The following CACNA1E variants were observed in gnomAD, a reference collection of about 807,000 sequenced individuals.
The protein encoded by CACNA1E is calcium voltage-gated channel subunit alpha1 E.
In CACNA1E, 40 loss-of-function variants were observed where a neutral mutation model predicts 259.2. The ratio of observed to expected loss-of-function variants is 0.15; its 90% CI spans 0.12 to 0.20. CACNA1E has a LOEUF of 0.20. Ranked by LOEUF, CACNA1E falls within the 10% of genes least tolerant of loss-of-function variation. The probability of loss-of-function intolerance (pLI) is 1.00; values close to 1 mark genes in which losing one functional copy is unlikely to be tolerated. For missense variants in CACNA1E, 1,874 were observed against 3,040.1 expected (o/e 0.62, Z 9.02); for synonymous variants, 1,104 against 1,138.5 (o/e 0.97, Z 0.61).
chr1:181,343,807 G>GTTTCAGAA (rs1652368448), intron 1 of CACNA1E, among the ~76,000 whole-genome samples: 2 of 152,090 alleles, frequency 1.3e-5, no homozygotes, highest in South Asian at 2.1e-4. Context: ...GTGATGCCCT[G>GTTTCAGAA]TCTCCTCTCA....
intron 7 of CACNA1E, among the ~76,000 whole-genome samples, chr1:181,689,433 A>G (rs1319178719): frequency 6.6e-6 from 1 of 152,214 alleles, no homozygotes; most frequent in Non-Finnish European, 1.5e-5. Flanking sequence ...ATAGTGCTGC[A>G]GTAAACATGT....
intron 38 of CACNA1E, among the ~76,000 whole-genome samples, chr1:181,779,829 C>CACACACAG (rs1660271089): frequency 6.6e-6 from 1 of 151,796 alleles, no homozygotes; most frequent in Admixed American, 6.6e-5. Context: ...TACACACACA[C>CACACACAG]ACACACACAC....
At chr1:181,472,971 A>G (rs1007130524) in intron 2 of CACNA1E, among the ~76,000 whole-genome samples, 1 of 152,176 alleles carries the variant, frequency 6.6e-6, no homozygotes, top group Non-Finnish European at 1.5e-5. Flanking sequence ...GTTGAGATGC[A>G]GGAGGATTTA....
At chr1:181,794,592 C>T (rs1001355851) in intron 45 of CACNA1E, among the ~76,000 whole-genome samples, 1 of 152,222 alleles carries the variant, frequency 6.6e-6, no homozygotes. Context: ...ACAGTTCCTG[C>T]CTGCATTCCG....
At chr1:181,519,350 C>G (rs1666828276) in intron 3 of CACNA1E, among the ~76,000 whole-genome samples, 1 of 152,058 alleles carries the variant, frequency 6.6e-6, no homozygotes, top group Admixed American at 6.5e-5. Flanking sequence ...AATGCAGCAG[C>G]ACTATTTAAT....
At chr1:181,374,294 C>T (rs912442941) in intron 1 of CACNA1E, among the ~76,000 whole-genome samples, 7 of 151,896 alleles carry the variant, frequency 4.6e-5, no homozygotes, top group Non-Finnish European at 1.5e-5. Flanking sequence ...TGTTTAATTT[C>T]CATGTAATTG....
chr1:181,696,080 G>C (rs1458637440), intron 7 of CACNA1E, among the ~76,000 whole-genome samples: 3 of 152,066 alleles, frequency 2.0e-5, no homozygotes, highest in Non-Finnish European at 4.4e-5. Context: ...AATATAAAAA[G>C]CATAAACAAT....
At chr1:181,678,055 G>A (rs1558256361) in intron 7 of CACNA1E, among the ~76,000 whole-genome samples, 2 of 152,168 alleles carry the variant, frequency 1.3e-5, no homozygotes. Context: ...ATTTGGGGAA[G>A]ATTAGCTTGC....
intron 6 of CACNA1E, among the ~76,000 whole-genome samples, chr1:181,605,103 G>T (rs1373120881): frequency 6.6e-6 from 1 of 152,208 alleles, no homozygotes; most frequent in Non-Finnish European, 1.5e-5. Context: ...GGAGAGAAAA[G>T]AAAGTGCTTT....
At chr1:181,733,165 G>T (rs751232927) in intron 20 of CACNA1E, 131 bp downstream of exon 20, 6 of 1,338,458 alleles carry the variant, frequency 4.5e-6, no homozygotes, top group Non-Finnish European at 5.9e-6. Context: ...CACACTTTGT[G>T]AGGTATGAAT....
At chr1:181,724,196 A>C (rs1654673904) in intron 16 of CACNA1E, among the ~76,000 whole-genome samples, 1 of 152,092 alleles carries the variant, frequency 6.6e-6, no homozygotes, top group Non-Finnish European at 1.5e-5. Flanking sequence ...AATTTTCCTC[A>C]CCCCATCTGG....
chr1:181,744,808 T>C (rs3767002), intron 25 of CACNA1E, among the ~76,000 whole-genome samples: 128,391 of 152,290 alleles, frequency 0.84, 54,222 homozygotes, highest in South Asian at 0.9. Context: ...GCCAGACAGG[T>C]CATCCAGTGC....
intron 8 of CACNA1E, among the ~76,000 whole-genome samples, chr1:181,713,766 T>C (rs554334044): frequency 1.1e-4 from 17 of 152,294 alleles, no homozygotes; most frequent in Non-Finnish European, 2.1e-4. Flanking sequence ...TTACTCCTCA[T>C]AGGGCATGCA....
intron 1 of CACNA1E, among the ~76,000 whole-genome samples, chr1:181,383,668 GA>G (rs139621134): frequency 0.011 from 1,698 of 152,310 alleles, 32 homozygotes; most frequent in African/African-American, 0.037. Flanking sequence ...TTTATTTTAG[GA>G]ATTTGCTAGA....
At chr1:181,386,100 G>C (rs1430119457) in intron 1 of CACNA1E, among the ~76,000 whole-genome samples, 2 of 152,120 alleles carry the variant, frequency 1.3e-5, no homozygotes, top group African/African-American at 4.8e-5. Flanking sequence ...AATCAATAAG[G>C]AGAGCTTACT....
intron 25 of CACNA1E, 88 bp from the exon 26 acceptor site, chr1:181,750,388 G>T: frequency 8.7e-7 from 1 of 1,150,068 alleles, no homozygotes. Context: ...GAAGTGTTCT[G>T]ACTGTCTTTC....
At chr1:181,772,022 T>C (rs1292140873) in intron 36 of CACNA1E, 44 bp from the exon 37 acceptor site, 3 of 1,575,486 alleles carry the variant, frequency 1.9e-6, no homozygotes, top group African/African-American at 1.3e-5. Flanking sequence ...TATGATAGGA[T>C]CTGCAGAGCT....
intron 6 of CACNA1E, among the ~76,000 whole-genome samples, chr1:181,604,766 G>A (rs1225449447): frequency 6.6e-6 from 1 of 152,216 alleles, no homozygotes; most frequent in East Asian, 1.9e-4. Context: ...TGAGGGAGGA[G>A]CGGGGGCCTC....
At chr1:181,556,649 T>A (rs1394537998) in intron 3 of CACNA1E, among the ~76,000 whole-genome samples, 1 of 152,178 alleles carries the variant, frequency 6.6e-6, no homozygotes, top group African/African-American at 2.4e-5. Flanking sequence ...ATCTCCTTCT[T>A]ATATTGCATT....
Sources: allele counts gnomAD v4.1 joint callset (sites outside exome capture counted in the v4.1 genomes callset), GRCh38; gene constraint gnomAD v4.1.1; transcripts MANE v1.5; gene names NCBI Gene and HGNC (gene_info 2026-07-23, HGNC 2026-07-21).